CRCP: variants seen among roughly 807,000 people sequenced by gnomAD.
CRCP encodes DNA-directed RNA polymerase III subunit RPC9.
A neutral mutation model predicts 18.5 loss-of-function variants in CRCP; 18 were observed. That is an observed-to-expected ratio of 0.97 (90% CI 0.67 to 1.44). The LOEUF (loss-of-function observed/expected upper bound fraction) is 1.44, where lower values mean the gene tolerates loss of function less well. CRCP is among the 40% of genes most tolerant of loss of function. The probability of loss-of-function intolerance (pLI) is 0.00; values close to 1 mark genes in which losing one functional copy is unlikely to be tolerated. For synonymous variants in CRCP, 53 were observed against 62.9 expected, an observed-to-expected ratio of 0.84 and a Z score of 0.75; for missense variants, 130 against 176.4, an observed-to-expected ratio of 0.74 and a Z score of 1.49.
intron 5 of CRCP, among the ~76,000 whole-genome samples, chr7:66,151,673 CTGTGTGTGTGTG>C (rs1223890806): frequency 0.013 from 1,744 of 138,574 alleles, 50 homozygotes; most frequent in African/African-American, 0.041. Flanking sequence ...CCACTTCTCT[CTGTGTGTGTGTG>C]TGTGTGTGTG....
chr7:66,114,892 G>A lies in CRCP; in HGVS notation c.-71G>A. On this transcript the variant is annotated 5_prime_UTR_variant, in exon 1 of 6. Coordinates refer to ENST00000395326, the MANE Select transcript of CRCP (RefSeq NM_014478.5). Reference sequence around the variant, plus strand: ...GAGCTGGCACCTTGGCGCTGTTGGTGGCGGCGGAGACAGCTGTGAAGTGTG... The same window carrying A: ...GAGCTGGCACCTTGGCGCTGTTGGTAGCGGCGGAGACAGCTGTGAAGTGTG... 6.2e-7 allele frequency: 1 copy of A among 1,609,158 alleles called. No homozygotes were observed. Among genetic ancestry groups the A allele is most frequent in the Non-Finnish European group, 8.5e-7 (1 of 1,176,090 alleles).
At chr7:66,141,471 C>T (rs1788136633) in intron 4 of CRCP, among the ~76,000 whole-genome samples, 1 of 152,072 alleles carries the variant, frequency 6.6e-6, no homozygotes, top group Non-Finnish European at 1.5e-5. Context: ...GTAGTGGTAG[C>T]TGAGATTTTG....
rs555777809 is a variant in CRCP, at chr7:66,127,428, A to T, written c.9-276A>T. ...TGTTGATTCAGCAGGAGGACGTGGC[A>T]GCCCAAGATGTCAATAGCTGATGGG... On this transcript the variant is annotated intron_variant, in intron 1 of 5. Transcript: ENST00000395326. Among the ~76,000 whole-genome samples, 327 of 152,350 alleles carry T rather than the reference A, an allele frequency of 2.1e-3. 2 individuals are homozygous for T. Among genetic ancestry groups the T allele is most frequent in the African/African-American group, 7.6e-3 (317 of 41,578 alleles).
At chr7:66,120,550 C>T (rs1208285413) in intron 1 of CRCP, 1 of 151,934 alleles carries the variant, frequency 6.6e-6, no homozygotes, top group East Asian at 1.9e-4. Flanking sequence ...TTCTGGTCCT[C>T]ACCTGGTCTT....
At chr7:66,134,698 G>A (rs1414279998) in intron 4 of CRCP, among the ~76,000 whole-genome samples, 1 of 152,056 alleles carries the variant, frequency 6.6e-6, no homozygotes, top group Non-Finnish European at 1.5e-5. Flanking sequence ...GGAAAAGAAG[G>A]CAAATTTAGG....
rs557863324 is a variant in CRCP, at chr7:66,129,326, G to A, written c.46-1418G>A. 3.2e-4 allele frequency among the ~76,000 whole-genome samples: 49 copies of A among 152,022 alleles called. 1 individual carries two copies. In the South Asian group the frequency reaches 8.5e-3, roughly 26 times the overall value. On this transcript the variant is annotated intron_variant, in intron 2 of 5. Coordinates refer to ENST00000395326, the MANE Select transcript of CRCP (RefSeq NM_014478.5). ...CCAGCCTGGGCGACAGCGAGACTCC[G>A]TCTCAAAAAAAATAAAAATAAATAA...
intron 1 of CRCP, 56 bp downstream of exon 1, chr7:66,115,026 T>C: frequency 1.3e-6 from 2 of 1,582,030 alleles, no homozygotes; most frequent in Non-Finnish European, 1.7e-6. Flanking sequence ...GTTTGACCGC[T>C]GAGAGCTGAG....
chr7:66,132,079 A>G (rs1562765232), intron 3 of CRCP, among the ~76,000 whole-genome samples: 2 of 152,292 alleles, frequency 1.3e-5, no homozygotes, highest in Non-Finnish European at 2.9e-5. Context: ...CTTACATAAA[A>G]GTTGTAGAGA....
At chr7:66,145,753 G>A (rs1788273778) in intron 5 of CRCP, among the ~76,000 whole-genome samples, 1 of 152,188 alleles carries the variant, frequency 6.6e-6, no homozygotes, top group Non-Finnish European at 1.5e-5. Context: ...CTGATGTCCA[G>A]GCCATTCTGG....
chr7:66,134,453 A>C (rs1198888856), intron 4 of CRCP, 79 bp downstream of exon 4: 18 of 1,054,398 alleles, frequency 1.7e-5, no homozygotes, highest in Middle Eastern at 3.1e-4. Context: ...CCGTGTATTG[A>C]TATTCGGCTG....
intron 1 of CRCP, 152 bp from the exon 2 acceptor site, chr7:66,127,552 G>T (rs907522541): frequency 3.7e-6 from 3 of 814,184 alleles, no homozygotes; most frequent in South Asian, 3.4e-5. Context: ...AAACCATGTT[G>T]GACTTAGGAC....
chr7:66,119,100 A>G (rs1408136031), intron 1 of CRCP, among the ~76,000 whole-genome samples: 1 of 152,082 alleles, frequency 6.6e-6, no homozygotes, highest in Non-Finnish European at 1.5e-5. Flanking sequence ...GGCCAGGGAG[A>G]ATCTGGATGG....
chr7:66,148,386 A>G (rs1788361824), intron 5 of CRCP, among the ~76,000 whole-genome samples: 1 of 152,214 alleles, frequency 6.6e-6, no homozygotes, highest in South Asian at 2.1e-4. Flanking sequence ...AAAAGGAAAT[A>G]AAAGGTTTCA....
At chr7:66,127,939 A>C (rs1787664144) in intron 2 of CRCP, among the ~76,000 whole-genome samples, 199 bp downstream of exon 2, 1 of 151,768 alleles carries the variant, frequency 6.6e-6, no homozygotes, top group African/African-American at 2.4e-5. Context: ...GGTGAAACCC[A>C]GTCTCTACTA....
chr7:66,141,094 C>A (rs1013338921), intron 4 of CRCP, among the ~76,000 whole-genome samples: 2 of 152,108 alleles, frequency 1.3e-5, no homozygotes, highest in Non-Finnish European at 2.9e-5. Context: ...CATGACTCTG[C>A]CAAGAGTTAA....
At chr7:66,115,344 C>T (rs560062283) in intron 1 of CRCP, among the ~76,000 whole-genome samples, 5 of 152,274 alleles carry the variant, frequency 3.3e-5, no homozygotes, top group African/African-American at 9.6e-5. Flanking sequence ...GTCTGTCCGC[C>T]CTGAAAGTAG....
rs188750352 is a variant in CRCP at position 66,129,475 on chromosome 7, C to T, written c.46-1269C>T. 2.1e-3 allele frequency among the ~76,000 whole-genome samples: 325 copies of T among 152,230 alleles called. 2 individuals are homozygous for T. Among genetic ancestry groups the T allele is most frequent in the African/African-American group, 7.7e-3 (318 of 41,536 alleles). On this transcript the variant is annotated intron_variant, in intron 2 of 5. Coordinates refer to ENST00000395326, the MANE Select transcript of CRCP (RefSeq NM_014478.5). The stretch of plus-strand genomic sequence containing the variant: ...GACCACTGTACTCCAGTCTGGGAGA[C>T]AGCTTTTGAGACCGTGTCCCCAAAA...
intron 1 of CRCP, among the ~76,000 whole-genome samples, chr7:66,125,254 C>T (rs1787585412): frequency 6.7e-6 from 1 of 148,998 alleles, no homozygotes; most frequent in Non-Finnish European, 1.5e-5. Flanking sequence ...TTCACCATAT[C>T]CTGTTGCCAA....
intron 4 of CRCP, among the ~76,000 whole-genome samples, chr7:66,135,862 G>A (rs944425481): frequency 2.6e-5 from 4 of 151,972 alleles, no homozygotes; most frequent in East Asian, 1.9e-4. Flanking sequence ...CGGAGGTTGC[G>A]GTGAGCCAAG....
Sources: allele counts gnomAD v4.1 joint callset (sites outside exome capture counted in the v4.1 genomes callset), GRCh38; gene constraint gnomAD v4.1.1; transcripts MANE v1.5; gene names NCBI Gene and HGNC (gene_info 2026-07-23, HGNC 2026-07-21).